The following PML variants were observed in gnomAD, a reference collection of about 807,000 sequenced individuals.
PML encodes the protein protein PML.
PML carries 28 observed loss-of-function variants against 65.2 expected under a neutral mutation model. That is an observed-to-expected ratio of 0.43 (90% CI 0.32 to 0.59). The LOEUF (loss-of-function observed/expected upper bound fraction) is 0.59. Ranked by LOEUF, PML falls within the 20% of genes least tolerant of loss-of-function variation. PML has a pLI of 0.08. For synonymous variants in PML, 500 were observed against 508.8 expected, an observed-to-expected ratio of 0.98 and a Z score of 0.23; for missense variants, 1,021 against 1,203.4, an observed-to-expected ratio of 0.85 and a Z score of 2.24.
intron 4 of PML, among the ~76,000 whole-genome samples, chr15:74,029,597 C>T (rs1426401652): frequency 2.0e-5 from 3 of 151,508 alleles, no homozygotes; most frequent in East Asian, 3.9e-4. Flanking sequence ...ATACTCCAGC[C>T]GGAGCAACAA....
At chr15:74,006,879 C>T (rs192289391) in intron 2 of PML, among the ~76,000 whole-genome samples, 25 of 152,196 alleles carry the variant, frequency 1.6e-4, no homozygotes, top group Middle Eastern at 3.4e-3. Flanking sequence ...ATGCCAGGCG[C>T]CTTTAAATAA....
At position 74,037,409 on chromosome 15, in the gene PML, C is replaced by T; in HGVS notation, c.1710+2879C>T. The T allele has an allele frequency of 2.0e-6, 2 of 985,356 alleles. No individual in the cohort carries two copies. The highest frequency in any genetic ancestry group is 2.4e-6 in the Non-Finnish European group (2 of 829,900). The allele number at this position is 985,356 out of a possible 1,614,324, so 61.0% of individuals were successfully genotyped here. A position where few individuals can be genotyped will look rare whatever the true frequency, so the allele number is the denominator to read the frequency against. On this transcript the variant is annotated intron_variant, in intron 7 of 8. Transcript: ENST00000268058. This position sits in a 1 kb window ranked among gnomAD's most constrained non-coding sequence, Gnocchi z 4.2. ...CCAGCCCTTGACCCCCTGGGAGCCT[C>T]ACTCCTCCTCCTCATCTCTCTTGCA...
rs141646523 is a variant in PML at position 74,044,868 on chromosome 15, G to A, written c.2509G>A (p.Ala837Thr). 242 of 1,613,536 alleles carry A rather than the reference G, an allele frequency of 1.5e-4. 4 individuals carry two copies. In the East Asian group the frequency reaches 3.0e-3, roughly 20 times the overall value. Reference sequence around the variant, plus strand: ...CCTGCAGACCACCACGTTGCCCCCTGCCCAGCCTGCTTTCAACCTGCAGGC... The same window carrying A: ...CCTGCAGACCACCACGTTGCCCCCTACCCAGCCTGCTTTCAACCTGCAGGC... ...LSLQTTTLPP[A>T]QPAFNLQALG... Residue 837 changes from alanine (A) to threonine (T), a missense_variant, in exon 9 of 9, where the codon GCC becomes ACC. By Grantham distance (58) the Ala-to-Thr change is moderately conservative. Coordinates refer to ENST00000268058, the MANE Select transcript of PML (RefSeq NM_033238.3).
rs1326561091 is a variant in PML at position 74,042,149 on chromosome 15, CA to C, written c.1711-839del. Among the ~76,000 whole-genome samples the C allele has an allele frequency of 9.2e-5, 14 of 152,284 alleles. No individual in the cohort carries two copies. The highest frequency in any genetic ancestry group is 3.4e-4 in the African/African-American group (14 of 41,478). On this transcript the variant is annotated intron_variant, in intron 7 of 8. Coordinates refer to ENST00000268058, the MANE Select transcript of PML (RefSeq NM_033238.3). The surrounding 1 kb of genome is among the most constrained non-coding windows in gnomAD (Gnocchi z 5.3). ...AATCTCAGAGCTGGAGCCCTTCCCT[CA>C]TCCTCTGGCTCCCCACCCCATGGCT...
At chr15:74,015,562 G>GCC (rs2070532970) in intron 2 of PML, among the ~76,000 whole-genome samples, 1 of 152,228 alleles carries the variant, frequency 6.6e-6, no homozygotes, top group Non-Finnish European at 1.5e-5. Context: ...AACAGCAGAA[G>GCC]TAGCATGCTC....
At chr15:74,020,703 T>C (rs1015218816) in intron 2 of PML, among the ~76,000 whole-genome samples, 1 of 152,190 alleles carries the variant, frequency 6.6e-6, no homozygotes, top group African/African-American at 2.4e-5. Flanking sequence ...CACTGAGGTA[T>C]ATAAAGGTGT....
At chr15:74,031,232 C>A in intron 4 of PML, 1 of 442,350 alleles carries the variant, frequency 2.3e-6, no homozygotes, top group South Asian at 1.6e-5. Context: ...TAGGATCATA[C>A]AATGTGTATT....
chr15:73,998,026 A>C lies in PML; in HGVS notation c.152A>C (p.Glu51Ala), dbSNP rs780062613. 5 of 1,612,366 alleles carry C rather than the reference A, an allele frequency of 3.1e-6. No homozygotes were observed. The Admixed American group carries it at 8.3e-5, about 27-fold the overall frequency. ...PTERAPASEE[E>A]FQFLRCQQCQ... Reference sequence around the variant, plus strand: ...CAGCGAGCCCCCGCTTCGGAGGAGGAGTTCCAGTTTCTGCGCTGCCAGCAA... The same window carrying C: ...CAGCGAGCCCCCGCTTCGGAGGAGGCGTTCCAGTTTCTGCGCTGCCAGCAA... The change falls in exon 2 of 9, where the codon GAG becomes GCG. Residue 51 changes from glutamate (E) to alanine (A), a missense_variant. Coordinates refer to ENST00000268058, the MANE Select transcript of PML (RefSeq NM_033238.3).
intron 2 of PML, among the ~76,000 whole-genome samples, chr15:74,004,856 G>A (rs915991082): frequency 3.9e-4 from 59 of 151,136 alleles, no homozygotes; most frequent in African/African-American, 1.3e-3. Context: ...ACAGGAATGC[G>A]CCACTACACC....
chr15:74,013,854 A>G (rs912845414), intron 2 of PML, among the ~76,000 whole-genome samples: 1 of 152,224 alleles, frequency 6.6e-6, no homozygotes, highest in Non-Finnish European at 1.5e-5. Flanking sequence ...ATTTCTTGCA[A>G]CATTTACCGG....
rs1447554608 is a variant in PML, at chr15:74,047,744, AT to A, written c.*2739del. 1 of 187,294 alleles carries A rather than the reference AT, an allele frequency of 5.3e-6. No homozygotes were observed. The highest frequency in any genetic ancestry group is 1.1e-5 in the Non-Finnish European group (1 of 88,818). 11.6% of individuals were successfully genotyped at this position (187,294 alleles called of 1,614,324 possible). ...TTTGGTATATTTTAAAAGTGCACAA[AT>A]TTAAGATCTTACTGCTTTATAAAGT... On this transcript the variant is annotated 3_prime_UTR_variant, in exon 9 of 9. Coordinates refer to ENST00000268058, the MANE Select transcript of PML (RefSeq NM_033238.3).
At chr15:74,003,943 T>C (rs2069904631) in intron 2 of PML, among the ~76,000 whole-genome samples, 1 of 152,206 alleles carries the variant, frequency 6.6e-6, no homozygotes, top group African/African-American at 2.4e-5. Context: ...AAAGTTGAGC[T>C]AGGTGTAAAA....
In PML at chr15:74,018,344, A is replaced by G. The variant is rs143651475; in HGVS notation, c.603-4484A>G. On this transcript the variant is annotated intron_variant, in intron 2 of 8. Coordinates refer to ENST00000268058, the MANE Select transcript of PML (RefSeq NM_033238.3). The stretch of plus-strand genomic sequence containing the variant: ...TCTCAAAAAAAAAAAAAAAGAAAAG[A>G]AAAAGAAAGAAAAGAAATTTAGAAT... 6.6e-5 allele frequency among the ~76,000 whole-genome samples: 10 copies of G among 151,776 alleles called. No individual in the cohort carries two copies. In the East Asian group the frequency reaches 1.9e-3, roughly 29 times the overall value.
chr15:74,018,013 C>T (rs1174567090), intron 2 of PML, among the ~76,000 whole-genome samples: 1 of 151,968 alleles, frequency 6.6e-6, no homozygotes, highest in Non-Finnish European at 1.5e-5. Context: ...TCTGTTTGTT[C>T]CTTCATATGA....
chr15:74,044,215 G>A lies in PML; in HGVS notation c.1862-6G>A, dbSNP rs1201404765. The A allele has an allele frequency of 1.2e-6, 2 of 1,613,562 alleles. No individual in the cohort carries two copies. Among genetic ancestry groups the A allele is most frequent in the Non-Finnish European group, 8.5e-7 (1 of 1,180,002 alleles). On this transcript the variant is annotated splice_polypyrimidine_tract_variant and splice_region_variant and intron_variant, in intron 8 of 8. Transcript: ENST00000268058. Reference sequence around the variant, plus strand: ...GGTCCTCACCCTGCCCTTCTCTCCTGCCCAGCCCAGAAGATTAGCCAGCTG... The same window carrying A: ...GGTCCTCACCCTGCCCTTCTCTCCTACCCAGCCCAGAAGATTAGCCAGCTG...
Position 74,035,445 on chromosome 15 carries a change from G to A in PML, c.1710+915G>A. The stretch of plus-strand genomic sequence containing the variant: ...TGGGATCCGCTACCTGTTGTACAGA[G>A]CACAGAGAGCCATCCGCCTTCGCCA... On this transcript the variant is annotated intron_variant, in intron 7 of 8. Transcript: ENST00000268058. The surrounding 1 kb of genome is among the most constrained non-coding windows in gnomAD (Gnocchi z 4.1). 1.2e-6 allele frequency: 2 copies of A among 1,612,362 alleles called. No individual in the cohort carries two copies. The highest frequency in any genetic ancestry group is 3.3e-5 in the Admixed American group (2 of 60,008).
chr15:74,009,127 C>T (rs1272115197), intron 2 of PML, among the ~76,000 whole-genome samples: 1 of 152,172 alleles, frequency 6.6e-6, no homozygotes, highest in African/African-American at 2.4e-5. Context: ...TGCTTCCACC[C>T]AAGCATGGTG....
chr15:74,034,174 A>G, intron 6 of PML: 1 of 478,610 alleles, frequency 2.1e-6, no homozygotes. Flanking sequence ...AGAAGGTTCC[A>G]GACCAGGTAG....
intron 7 of PML, among the ~76,000 whole-genome samples, chr15:74,036,600 G>A (rs183859775): frequency 2.0e-3 from 304 of 152,186 alleles, no homozygotes; most frequent in African/African-American, 6.2e-3. Flanking sequence ...CTTCCTGGCC[G>A]TCTGGTAAGA....
Sources: allele counts gnomAD v4.1 joint callset (sites outside exome capture counted in the v4.1 genomes callset), GRCh38; gene constraint gnomAD v4.1.1; non-coding constraint Gnocchi (gnomAD v3.1); transcripts MANE v1.5; gene names NCBI Gene and HGNC (gene_info 2026-07-23, HGNC 2026-07-21).